The following OR1I1 variants were observed in gnomAD, a reference collection of about 807,000 sequenced individuals.
OR1I1 encodes the protein olfactory receptor 1I1.
For missense variants in OR1I1, 451 were observed against 443.6 expected (o/e 1.02, Z -0.15); for synonymous variants, 171 against 181.4 (o/e 0.94, Z 0.46).
rs1191780326 is a variant in OR1I1 at position 15,092,956 on chromosome 19, A to C, written c.*4823A>C. ...CAAGGCTGCAGTGAGCTATGATTGCACCACCGCACTCCAGCCTGGGGGATA... is the reference window on the plus strand; with the variant it reads ...CAAGGCTGCAGTGAGCTATGATTGCCCCACCGCACTCCAGCCTGGGGGATA... On this transcript the variant is annotated 3_prime_UTR_variant, in exon 2 of 2. Coordinates refer to ENST00000641398, the MANE Select transcript of OR1I1 (RefSeq NM_001004713.2). The C allele has an allele frequency of 6.6e-6, 1 of 152,168 alleles. No homozygotes were observed. The highest frequency in any genetic ancestry group is 2.4e-5 in the African/African-American group (1 of 41,418). The allele number at this position is 152,168 out of a possible 1,614,324, so 9.4% of individuals were successfully genotyped here. A position where few individuals can be genotyped will look rare whatever the true frequency, so the allele number is the denominator to read the frequency against.
Position 15,088,268 on chromosome 19 carries a change from T to A in OR1I1, c.*135T>A, listed in dbSNP as rs2046240183. On this transcript the variant is annotated 3_prime_UTR_variant, in exon 2 of 2. Coordinates refer to ENST00000641398, the MANE Select transcript of OR1I1 (RefSeq NM_001004713.2). Reference sequence around the variant, plus strand: ...CAGAATAGCAAGGATCAAACTGGCCTGAAATTAGCCCTCCTGGAGGATCAG... The same window carrying A: ...CAGAATAGCAAGGATCAAACTGGCCAGAAATTAGCCCTCCTGGAGGATCAG... The A allele has an allele frequency of 1.8e-6, 2 of 1,098,022 alleles. No homozygotes were observed. Among genetic ancestry groups the A allele is most frequent in the African/African-American group, 1.6e-5 (1 of 63,214 alleles). 68.0% of individuals were successfully genotyped at this position (1,098,022 alleles called of 1,614,324 possible).
rs7251658 is a variant in OR1I1 at position 15,082,841 on chromosome 19, G to T, written c.-14+565G>T. ...CTTTCTGTTTTTGAGACAGGGTCTCGCTCTGTTGCCCAGTCTGGAGTGCAG... is the reference window on the plus strand; with the variant it reads ...CTTTCTGTTTTTGAGACAGGGTCTCTCTCTGTTGCCCAGTCTGGAGTGCAG... On this transcript the variant is annotated intron_variant, in intron 1 of 1. Coordinates refer to ENST00000641398, the MANE Select transcript of OR1I1 (RefSeq NM_001004713.2). Among the ~76,000 whole-genome samples the T allele has an allele frequency of 8.0e-5, 12 of 150,822 alleles. No individual in the cohort carries two copies. The South Asian group carries it at 1.5e-3, about 18-fold the overall frequency.
At position 15,092,607 on chromosome 19, in the gene OR1I1, A is replaced by C. The variant is rs913590333; in HGVS notation, c.*4474A>C. ...ATGGGCTTGGCTGTGTTCCACTAAA[A>C]CTTTGTTTATAAACACAGAAGCTTC... On this transcript the variant is annotated 3_prime_UTR_variant, in exon 2 of 2. Transcript: ENST00000641398. The C allele has an allele frequency of 1.3e-5, 2 of 152,166 alleles. No homozygotes were observed. The highest frequency in any genetic ancestry group is 4.8e-5 in the African/African-American group (2 of 41,432). The allele number at this position is 152,166 out of a possible 1,614,324, so 9.4% of individuals were successfully genotyped here.
In OR1I1 at chr19:15,087,597, T is replaced by C. The variant is rs1599310986; in HGVS notation, c.532T>C (p.Phe178Leu). 10 of 1,613,942 alleles carry C rather than the reference T, an allele frequency of 6.2e-6. No individual in the cohort carries two copies. In the East Asian group the frequency reaches 2.0e-4, roughly 32 times the overall value. Residue 178 changes from phenylalanine (F) to leucine (L), a missense_variant, in exon 2 of 2, where the codon TTC becomes CTC. Transcript: ENST00000641398. ...FCAGSEISHF[F>L]CDLMPLLKLS... ...CGCCGGCTCTGAAATCTCCCACTTC[T>C]TCTGTGACCTCATGCCCCTGCTGAA...
chr19:15,085,164 A>T (rs74182247), intron 1 of OR1I1, among the ~76,000 whole-genome samples: 3,090 of 31,118 alleles, frequency 0.099, 325 homozygotes, highest in African/African-American at 0.39. Context: ...ATATATATAT[A>T]TATATATATA....
In OR1I1 at chr19:15,087,334, G is replaced by C. The variant is rs759176082; in HGVS notation, c.269G>C (p.Arg90Thr). The C allele has an allele frequency of 1.2e-6, 2 of 1,614,160 alleles. No homozygotes were observed. Among genetic ancestry groups the C allele is most frequent in the South Asian group, 2.2e-5 (2 of 91,088 alleles). ...CTAGCGAACATCCAGGCTCAGAGCA[G>C]AGCCATCCCCTTTGTGGGCTGCCTC... ...KMLANIQAQSRAIPFVGCLTQ... is the reference protein window; with the variant it reads ...KMLANIQAQSTAIPFVGCLTQ... Residue 90 changes from arginine (R) to threonine (T), a missense_variant, in exon 2 of 2, where the codon AGA (arginine) becomes ACA (threonine). Physicochemically the swap from Arg to Thr is moderately conservative, Grantham distance 71 (BLOSUM62 -1). Transcript: ENST00000641398.
chr19:15,088,802 T>TAGATAGATAGATAGATAGAC lies in OR1I1; in HGVS notation c.*688_*689insCAGATAGATAGATAGATAGA, dbSNP rs1555717784. ...ATAGATAGATAGATAGATAGATAGA[T>TAGATAGATAGATAGATAGAC]AGATAGATAGATAGATAGATATACA... On this transcript the variant is annotated 3_prime_UTR_variant, in exon 2 of 2. Transcript: ENST00000641398. 0.1 allele frequency: 13,639 copies of TAGATAGATAGATAGATAGAC among 132,174 alleles called. 762 individuals carry two copies. Among genetic ancestry groups the TAGATAGATAGATAGATAGAC allele is most frequent in the Non-Finnish European group, 0.12 (7,453 of 61,340 alleles). 8.2% of individuals were successfully genotyped at this position (132,174 alleles called of 1,614,324 possible).
rs906216369 is a variant in OR1I1 at position 15,087,240 on chromosome 19, A to G, written c.175A>G (p.Met59Val). Residue 59 changes from methionine (M) to valine (V), a missense_variant, in exon 2 of 2, where the codon ATG becomes GTG. Physicochemically the swap from Met to Val is conservative, Grantham distance 21. Transcript: ENST00000641398. ...IITDSHLHTPMYFFLFNLSLV... is the reference protein window; with the variant it reads ...IITDSHLHTPVYFFLFNLSLV... Reference sequence around the variant, plus strand: ...CACGGACTCTCACCTCCACACACCCATGTACTTCTTTCTCTTCAACCTCTC... The same window carrying G: ...CACGGACTCTCACCTCCACACACCCGTGTACTTCTTTCTCTTCAACCTCTC... 1 of 1,613,930 alleles carries G rather than the reference A, an allele frequency of 6.2e-7. No homozygotes were observed. Among genetic ancestry groups the G allele is most frequent in the Non-Finnish European group, 8.5e-7 (1 of 1,179,962 alleles).
rs761649584 is a variant in OR1I1 at position 15,090,886 on chromosome 19, G to A, written c.*2753G>A. On this transcript the variant is annotated 3_prime_UTR_variant, in exon 2 of 2. Coordinates refer to ENST00000641398, the MANE Select transcript of OR1I1 (RefSeq NM_001004713.2). The stretch of plus-strand genomic sequence containing the variant: ...ATTGCAGGTGTAAACCACCACACTC[G>A]GCCTGATTTGTGGTACTTTGTTGCA... 4 of 152,152 alleles carry A rather than the reference G, an allele frequency of 2.6e-5. No homozygotes were observed. In the East Asian group the frequency reaches 5.8e-4, roughly 22 times the overall value. The allele number at this position is 152,152 out of a possible 1,614,324, so 9.4% of individuals were successfully genotyped here. A position where few individuals can be genotyped will look rare whatever the true frequency, so the allele number is the denominator to read the frequency against.
rs1455778765 is a variant in OR1I1, at chr19:15,089,017, A to T, written c.*884A>T. 6.6e-6 allele frequency: 1 copy of T among 150,676 alleles called. No individual in the cohort carries two copies. Among genetic ancestry groups the T allele is most frequent in the Non-Finnish European group, 1.5e-5 (1 of 67,454 alleles). The allele number at this position is 150,676 out of a possible 1,614,324, so 9.3% of individuals were successfully genotyped here. On this transcript the variant is annotated 3_prime_UTR_variant, in exon 2 of 2. Transcript: ENST00000641398. Reference sequence around the variant, plus strand: ...AGGTAGGTCAGTCGATCGATTGATCAATCGATCAACAGATAGATGATAGAT... The same window carrying T: ...AGGTAGGTCAGTCGATCGATTGATCTATCGATCAACAGATAGATGATAGAT...
At chr19:15,085,066 T>C (rs930932644) in intron 1 of OR1I1, among the ~76,000 whole-genome samples, 2 of 147,038 alleles carry the variant, frequency 1.4e-5, no homozygotes, top group African/African-American at 4.9e-5. Context: ...TCTGAGCACA[T>C]TGAAGGTGGG....
In OR1I1 at chr19:15,088,672, ATAGATAGATAG is replaced by A. The variant is rs2046241684; in HGVS notation, c.*540_*550del. The A allele has an allele frequency of 2.8e-5, 1 of 36,300 alleles. No individual in the cohort carries two copies. 2.2% of individuals were successfully genotyped at this position (36,300 alleles called of 1,614,324 possible). ...AGATCTGTCACTCATAGGTAGATAG[ATAGATAGATAG>A]ATAGATAGATAGATAGATAGATAGA... On this transcript the variant is annotated 3_prime_UTR_variant, in exon 2 of 2. Coordinates refer to ENST00000641398, the MANE Select transcript of OR1I1 (RefSeq NM_001004713.2).
intron 1 of OR1I1, among the ~76,000 whole-genome samples, chr19:15,084,973 G>T (rs775288444): frequency 6.6e-5 from 10 of 151,434 alleles, no homozygotes; most frequent in Non-Finnish European, 1.3e-4. Flanking sequence ...GACAGAGTGA[G>T]ACCCTGTCTC....
chr19:15,088,169 G>T lies in OR1I1; in HGVS notation c.*36G>T. 6.6e-7 allele frequency: 1 copy of T among 1,509,790 alleles called. No homozygotes were observed. 93.5% of individuals were successfully genotyped at this position (1,509,790 alleles called of 1,614,324 possible). The stretch of plus-strand genomic sequence containing the variant: ...TACAACGTGATAAATGTGTCATAAA[G>T]AGATGAACAAAGTGTATGAGCACCC... On this transcript the variant is annotated 3_prime_UTR_variant, in exon 2 of 2. Transcript: ENST00000641398.
At chr19:15,084,328 G>A (rs73006902) in intron 1 of OR1I1, among the ~76,000 whole-genome samples, 22,326 of 152,194 alleles carry the variant, frequency 0.15, 2,014 homozygotes, top group South Asian at 0.29. Flanking sequence ...GAGAGATCAA[G>A]CCGGGCAGAT....
chr19:15,091,828 C>CAAAAA lies in OR1I1; in HGVS notation c.*3717_*3721dup, dbSNP rs36044069. Reference sequence around the variant, plus strand: ...TGGGTGACAGAGCGAGACTCTGTCTCAAAAAAAAAAAAAAAAAAAAAAAAA... The same window carrying CAAAAA: ...TGGGTGACAGAGCGAGACTCTGTCTCAAAAAAAAAAAAAAAAAAAAAAAAAAAAAA... On this transcript the variant is annotated 3_prime_UTR_variant, in exon 2 of 2. Coordinates refer to ENST00000641398, the MANE Select transcript of OR1I1 (RefSeq NM_001004713.2). 3.7e-5 allele frequency: 3 copies of CAAAAA among 81,010 alleles called. No individual in the cohort carries two copies. The highest frequency in any genetic ancestry group is 1.5e-4 in the Admixed American group (1 of 6,626). The allele number at this position is 81,010 out of a possible 1,614,324, so 5.0% of individuals were successfully genotyped here. A position where few individuals can be genotyped will look rare whatever the true frequency, so the allele number is the denominator to read the frequency against.
rs147260699 is a variant in OR1I1 at position 15,087,681 on chromosome 19, G to T, written c.616G>T (p.Val206Leu). The T allele has an allele frequency of 2.3e-4, 371 of 1,614,162 alleles. 2 individuals are homozygous for T. The African/African-American group carries it at 2.8e-3, about 12-fold the overall frequency. Residue 206 changes from valine (V) to leucine (L), a missense_variant, in exon 2 of 2, where the codon GTG becomes TTG. By Grantham distance (32) the Val-to-Leu change is conservative. Transcript: ENST00000641398. ...ELVIFAFGIV[V>L]GTSPFSCILL... ...GGTGATCTTTGCTTTTGGCATTGTCGTGGGCACCAGCCCATTCTCCTGCAT... is the reference window on the plus strand; with the variant it reads ...GGTGATCTTTGCTTTTGGCATTGTCTTGGGCACCAGCCCATTCTCCTGCAT...
In OR1I1 at chr19:15,089,095, G is replaced by T. The variant is rs1326310831; in HGVS notation, c.*962G>T. On this transcript the variant is annotated 3_prime_UTR_variant, in exon 2 of 2. Coordinates refer to ENST00000641398, the MANE Select transcript of OR1I1 (RefSeq NM_001004713.2). ...AGGTAGGTAGATAGATAGATAGATA[G>T]ATAGGTAGATACAGACAGCCCATGT... 2 of 152,156 alleles carry T rather than the reference G, an allele frequency of 1.3e-5. No homozygotes were observed. Among genetic ancestry groups the T allele is most frequent in the Admixed American group, 6.6e-5 (1 of 15,264 alleles). 9.4% of individuals were successfully genotyped at this position (152,156 alleles called of 1,614,324 possible).
In OR1I1 at chr19:15,091,445, G is replaced by A. The variant is rs1039114699; in HGVS notation, c.*3312G>A. The A allele has an allele frequency of 1.3e-5, 2 of 152,160 alleles. No individual in the cohort carries two copies. The allele number at this position is 152,160 out of a possible 1,614,324, so 9.4% of individuals were successfully genotyped here. A position where few individuals can be genotyped will look rare whatever the true frequency, so the allele number is the denominator to read the frequency against. Reference sequence around the variant, plus strand: ...GAGGCTGAGGTGGGCGGATCATGAGGTCAGGAGATCAAGACCATCCTGGCT... The same window carrying A: ...GAGGCTGAGGTGGGCGGATCATGAGATCAGGAGATCAAGACCATCCTGGCT... On this transcript the variant is annotated 3_prime_UTR_variant, in exon 2 of 2. Transcript: ENST00000641398.
Sources: allele counts gnomAD v4.1 joint callset (sites outside exome capture counted in the v4.1 genomes callset), GRCh38; gene constraint gnomAD v4.1.1; transcripts MANE v1.5; gene names NCBI Gene and HGNC (gene_info 2026-07-23, HGNC 2026-07-21).